The following KCNH1 variants were observed in gnomAD, a reference collection of about 807,000 sequenced individuals.
KCNH1 encodes voltage-gated delayed rectifier potassium channel KCNH1.
KCNH1 carries 27 observed loss-of-function variants against 69.2 expected under a neutral mutation model. The observed-to-expected ratio is 0.39, with a 90% CI of 0.29 to 0.54. KCNH1 has a LOEUF of 0.54. Among genes scored for constraint, KCNH1 ranks in the 20% least tolerant of loss-of-function variants. KCNH1 has a pLI of 0.68. For missense variants in KCNH1, 798 were observed against 1,261.6 expected (o/e 0.63, Z 5.57); for synonymous variants, 456 against 487.7 (o/e 0.93, Z 0.86).
chr1:210,710,174 C>T (rs1393724136), intron 10 of KCNH1, among the ~76,000 whole-genome samples: 1 of 152,028 alleles, frequency 6.6e-6, no homozygotes, highest in Non-Finnish European at 1.5e-5. Context: ...GTTTGTCTAT[C>T]TAAACATATT....
intron 6 of KCNH1, among the ~76,000 whole-genome samples, chr1:210,937,037 A>G (rs1199714626): frequency 6.6e-6 from 1 of 152,052 alleles, no homozygotes; most frequent in Non-Finnish European, 1.5e-5. Flanking sequence ...ATCACTTAGA[A>G]TACTCTCCTC....
At chr1:210,825,967 C>T (rs774742963) in intron 7 of KCNH1, among the ~76,000 whole-genome samples, 4 of 152,094 alleles carry the variant, frequency 2.6e-5, no homozygotes, top group Admixed American at 1.3e-4. Context: ...TAAATGTCCA[C>T]GGTGTTTGTA....
At chr1:210,736,713 C>G (rs1682888803) in intron 10 of KCNH1, among the ~76,000 whole-genome samples, 1 of 152,048 alleles carries the variant, frequency 6.6e-6, no homozygotes. Flanking sequence ...ATCTAAATAA[C>G]CAGGTTCCAG....
intron 7 of KCNH1, among the ~76,000 whole-genome samples, chr1:210,914,858 A>T (rs1343669075): frequency 6.6e-6 from 1 of 152,138 alleles, no homozygotes; most frequent in East Asian, 1.9e-4. Flanking sequence ...GAGGTAGGAG[A>T]CCAAATATTA....
intron 3 of KCNH1, among the ~76,000 whole-genome samples, chr1:211,096,265 T>C (rs986287174): frequency 1.1e-4 from 16 of 152,262 alleles, no homozygotes; most frequent in Admixed American, 7.2e-4. Context: ...GGTTTTGCCA[T>C]GTTGGCCAAA....
intron 7 of KCNH1, among the ~76,000 whole-genome samples, chr1:210,879,994 A>G (rs1353583851): frequency 6.6e-6 from 1 of 152,162 alleles, no homozygotes; most frequent in Admixed American, 6.6e-5. Context: ...CACTTACATT[A>G]GCACCCCTAA....
chr1:210,763,442 G>T (rs1054560173), intron 10 of KCNH1, among the ~76,000 whole-genome samples: 1 of 152,024 alleles, frequency 6.6e-6, no homozygotes, highest in African/African-American at 2.4e-5. Flanking sequence ...CCATCTCTTT[G>T]CTGATGATAT....
At chr1:210,714,542 A>G (rs1682173304) in intron 10 of KCNH1, among the ~76,000 whole-genome samples, 1 of 152,166 alleles carries the variant, frequency 6.6e-6, no homozygotes, top group Admixed American at 6.5e-5. Flanking sequence ...TGAGCTTGTG[A>G]CATCCACACA....
intron 6 of KCNH1, among the ~76,000 whole-genome samples, chr1:210,974,870 T>G (rs1424588036): frequency 6.6e-6 from 1 of 152,122 alleles, no homozygotes; most frequent in Admixed American, 6.6e-5. Flanking sequence ...CCCTTCCTCC[T>G]CTACTTTAAG....
At chr1:211,077,246 G>GGA (rs1176122638) in intron 5 of KCNH1, among the ~76,000 whole-genome samples, 1 of 152,110 alleles carries the variant, frequency 6.6e-6, no homozygotes, top group Non-Finnish European at 1.5e-5. Flanking sequence ...TTCAAATTCA[G>GGA]GAAATACGGA....
chr1:211,077,683 G>C (rs1690761791), intron 5 of KCNH1, among the ~76,000 whole-genome samples: 2 of 152,112 alleles, frequency 1.3e-5, no homozygotes, highest in African/African-American at 2.4e-5. Context: ...ATAAATGCTA[G>C]GAAGAAACTG....
chr1:210,882,126 G>C (rs1019132848), intron 7 of KCNH1, among the ~76,000 whole-genome samples: 5 of 152,142 alleles, frequency 3.3e-5, no homozygotes, highest in Middle Eastern at 3.4e-3. Flanking sequence ...TGCATGGGTG[G>C]GGGTAAGAGA....
At chr1:210,721,125 T>C (rs12048659) in intron 10 of KCNH1, among the ~76,000 whole-genome samples, 32,384 of 151,936 alleles carry the variant, frequency 0.21, 4,276 homozygotes, top group African/African-American at 0.37. Context: ...GAATTGAGGC[T>C]AGGAACCCAG....
chr1:211,019,203 C>T lies in KCNH1; in HGVS notation c.612G>A (p.Lys204=). The T allele has an allele frequency of 6.2e-7, 1 of 1,613,040 alleles. No individual in the cohort carries two copies. Among genetic ancestry groups the T allele is most frequent in the Non-Finnish European group, 8.5e-7 (1 of 1,179,858 alleles). ...AATGTAAGATGATGTGAGGGGGAGT[C>T]TTTGGTGCCTCTTGCTTGTACTGGG... The part of the protein sequence containing the change: ...ILPQYKQEAP[K]TPPHIILHYC... The change falls in exon 6 of 11, where the codon AAG becomes AAA. Residue 204 remains lysine, a synonymous_variant. Coordinates refer to ENST00000271751, the MANE Select transcript of KCNH1 (RefSeq NM_172362.3).
intron 10 of KCNH1, among the ~76,000 whole-genome samples, chr1:210,698,608 G>A (rs544873506): frequency 1.3e-5 from 2 of 152,354 alleles, no homozygotes; most frequent in South Asian, 4.1e-4. Flanking sequence ...CCAGAATCAC[G>A]GAGGGGAGGG....
intron 5 of KCNH1, among the ~76,000 whole-genome samples, chr1:211,076,790 G>A (rs1462583034): frequency 6.6e-6 from 1 of 152,212 alleles, no homozygotes; most frequent in Non-Finnish European, 1.5e-5. Context: ...GGCTTCAGAA[G>A]GTCGGTAATA....
intron 6 of KCNH1, among the ~76,000 whole-genome samples, chr1:210,946,540 A>G (rs1367005166): frequency 6.6e-6 from 1 of 152,220 alleles, no homozygotes; most frequent in Non-Finnish European, 1.5e-5. Flanking sequence ...TGTACTGCAC[A>G]GCCTTCTCTG....
At chr1:210,938,907 T>C (rs971751012) in intron 6 of KCNH1, among the ~76,000 whole-genome samples, 2 of 152,216 alleles carry the variant, frequency 1.3e-5, no homozygotes, top group Admixed American at 1.3e-4. Context: ...TTCTTGACTG[T>C]AGAGAAACGA....
intron 10 of KCNH1, among the ~76,000 whole-genome samples, chr1:210,744,000 G>A (rs1683093769): frequency 6.6e-6 from 1 of 152,292 alleles, no homozygotes; most frequent in African/African-American, 2.4e-5. Context: ...GGGCTCTCCG[G>A]TGCCAGGCAG....
Sources: allele counts gnomAD v4.1 joint callset (sites outside exome capture counted in the v4.1 genomes callset), GRCh38; gene constraint gnomAD v4.1.1; transcripts MANE v1.5; gene names NCBI Gene and HGNC (gene_info 2026-07-23, HGNC 2026-07-21).